Variants in SEC16A observed in about 807,000 individuals in gnomAD.
SEC16A encodes the protein protein transport protein Sec16A.
In SEC16A, 110 loss-of-function variants were observed where a neutral mutation model predicts 221.9. That is an observed-to-expected ratio of 0.50 (90% CI 0.42 to 0.58). The LOEUF is 0.58. SEC16A is among the 20% of genes least tolerant of loss of function. SEC16A has a pLI of 0.00. For missense variants in SEC16A, 3,165 were observed against 3,097.8 expected (o/e 1.02, Z -0.52); for synonymous variants, 1,393 against 1,257.7 (o/e 1.11, Z -2.28).
intron 22 of SEC16A, among the ~76,000 whole-genome samples, chr9:136,453,085 A>C (rs1202012894): frequency 1.1e-5 from 1 of 94,444 alleles, no homozygotes; most frequent in African/African-American, 3.1e-5. Flanking sequence ...AAAAAAAAAG[A>C]AAAAAAAAAG....
At position 136,451,401 on chromosome 9, in the gene SEC16A, G is replaced by T; in HGVS notation, c.6167C>A (p.Ser2056Ter). ...GGCCTCCGAGTCTGGCACCGTCCTC[G>T]AGGGGGTCTGTCGCAAGGAAATGCA... ...FDGKFANLTPSRTVPDSEAPP... is the reference protein window; with the variant it reads ...FDGKFANLTP The change falls in exon 23 of 32, where the codon TCG (serine) becomes TAG (stop). Residue 2056 changes from serine to a stop codon, truncating the protein, a stop_gained. Transcript: ENST00000684901. LOFTEE classifies it high-confidence loss of function. 1 of 1,603,624 alleles carries T rather than the reference G, an allele frequency of 6.2e-7. No individual in the cohort carries two copies.
chr9:136,468,399 G>C lies in SEC16A; in HGVS notation c.3802+16C>G, dbSNP rs755003484. ...GGCACCTGCTAAGGCCAGCTGCTTG[G>C]AGTTCCTTGACATACCTCCATAATC... On this transcript the variant is annotated intron_variant, in intron 5 of 31. Coordinates refer to ENST00000684901, the MANE Select transcript of SEC16A (RefSeq NM_014866.2). The C allele has an allele frequency of 6.4e-7, 1 of 1,563,110 alleles. No individual in the cohort carries two copies. Among genetic ancestry groups the C allele is most frequent in the Admixed American group, 1.7e-5 (1 of 59,554 alleles).
Position 136,475,554 on chromosome 9 carries a change from T to C in SEC16A, c.2062A>G (p.Met688Val), listed in dbSNP as rs1841510796. Residue 688 changes from methionine (M) to valine (V), a missense_variant, in exon 3 of 32, where the codon ATG becomes GTG. By Grantham distance (21) the Met-to-Val change is conservative (BLOSUM62 1). Transcript: ENST00000684901. This position sits in a 1 kb window ranked among gnomAD's most constrained non-coding sequence, Gnocchi z 5.0. Reference sequence around the variant, plus strand: ...GGCGGTGCCCCTGCGTGCGGAAGCATGTGCACAGCTTCCGTGGTGGAGTTA... The same window carrying C: ...GGCGGTGCCCCTGCGTGCGGAAGCACGTGCACAGCTTCCGTGGTGGAGTTA... ...PLNSTTEAVH[M>V]LPHAGAPPLD... 14 of 1,613,324 alleles carry C rather than the reference T, an allele frequency of 8.7e-6. No homozygotes were observed. Among genetic ancestry groups the C allele is most frequent in the African/African-American group, 1.3e-5 (1 of 74,896 alleles).
rs1364872857 is a variant in SEC16A, at chr9:136,475,448, G to A, written c.2168C>T (p.Thr723Met). The change falls in exon 3 of 32, where the codon ACG becomes ATG. Residue 723 changes from threonine (T) to methionine (M), a missense_variant. Coordinates refer to ENST00000684901, the MANE Select transcript of SEC16A (RefSeq NM_014866.2). This position sits in a 1 kb window ranked among gnomAD's most constrained non-coding sequence, Gnocchi z 5.0. Reference sequence around the variant, plus strand: ...CAGCTCACTTTGCGCCCACAGAGTCGTTGCTGGGCTCTCACACTTCACGGG... The same window carrying A: ...CAGCTCACTTTGCGCCCACAGAGTCATTGCTGGGCTCTCACACTTCACGGG... Reference protein sequence around the residue: ...QGPVKCESPATTLWAQSELPD... With the variant: ...QGPVKCESPAMTLWAQSELPD... 8.7e-6 allele frequency: 14 copies of A among 1,609,810 alleles called. No individual in the cohort carries two copies. The highest frequency in any genetic ancestry group is 1.6e-4 in the Middle Eastern group (1 of 6,068).
chr9:136,475,913 G>A lies in SEC16A; in HGVS notation c.1703C>T (p.Ser568Phe), dbSNP rs765220394. The change falls in exon 3 of 32, where the codon TCT becomes TTT. Residue 568 changes from serine (S) to phenylalanine (F), a missense_variant. Ser to Phe is a radical substitution (Grantham distance 155). Transcript: ENST00000684901. The surrounding 1 kb of genome is among the most constrained non-coding windows in gnomAD (Gnocchi z 5.0). Reference sequence around the variant, plus strand: ...GTCTGTTTCACCTCCTACGGGAGAAGAATCGATTTGCTTAAAAAAACTACC... The same window carrying A: ...GTCTGTTTCACCTCCTACGGGAGAAAAATCGATTTGCTTAAAAAAACTACC... ...ASGSFFKQID[S>F]SPVGGETDET... 1 of 1,612,504 alleles carries A rather than the reference G, an allele frequency of 6.2e-7. No homozygotes were observed. The highest frequency in any genetic ancestry group is 8.5e-7 in the Non-Finnish European group (1 of 1,179,278).
At chr9:136,453,545 T>C in intron 21 of SEC16A, 35 bp from the exon 22 acceptor site, 1 of 1,560,884 alleles carries the variant, frequency 6.4e-7, no homozygotes, top group Non-Finnish European at 8.8e-7. Flanking sequence ...ATGATCTCAG[T>C]CACGAGAAGG....
In SEC16A at chr9:136,459,852, C is replaced by T. The variant is rs781568267; in HGVS notation, c.5096G>A (p.Gly1699Glu). Reference protein sequence around the residue: ...ASTCCGDEKWGDWRPHLAMVL... With the variant: ...ASTCCGDEKWEDWRPHLAMVL... ...CATGGCGAGGTGCGGCCTCCAATCT[C>T]CCCATTTCTCGTCTCCACAGCACTA... Residue 1699 changes from glycine to glutamate, a missense_variant, in exon 15 of 32, where the codon GGA becomes GAA. Gly to Glu is a moderately conservative substitution (Grantham distance 98). Coordinates refer to ENST00000684901, the MANE Select transcript of SEC16A (RefSeq NM_014866.2). The surrounding 1 kb of genome is among the most constrained non-coding windows in gnomAD (Gnocchi z 6.1). 1.9e-6 allele frequency: 3 copies of T among 1,613,414 alleles called. No individual in the cohort carries two copies. The Admixed American group carries it at 5.0e-5, about 27-fold the overall frequency.
Position 136,440,391 on chromosome 9 carries a change from C to G in SEC16A, c.*1364G>C, listed in dbSNP as rs1174045094. The stretch of plus-strand genomic sequence containing the variant: ...CATTTTGGAAAACATCCTGGGTGGT[C>G]TGGGCTAAATGATCAAGTGAAACAG... On this transcript the variant is annotated 3_prime_UTR_variant, in exon 32 of 32. Transcript: ENST00000684901. The G allele has an allele frequency of 6.6e-6, 1 of 152,542 alleles. No homozygotes were observed. Among genetic ancestry groups the G allele is most frequent in the Non-Finnish European group, 1.5e-5 (1 of 68,046 alleles). The allele number at this position is 152,542 out of a possible 1,614,324, so 9.4% of individuals were successfully genotyped here.
intron 20 of SEC16A, 84 bp from the exon 21 acceptor site, chr9:136,454,411 T>C: frequency 7.9e-7 from 1 of 1,270,992 alleles, no homozygotes; most frequent in Non-Finnish European, 1.1e-6. Context: ...GACGTGTTTA[T>C]GACAAGTTAT....
rs1004105758 is a variant in SEC16A, at chr9:136,447,607, G to A, written c.6521C>T (p.Pro2174Leu). ...VQAAPPALPG[P>L]PGAPVNMYSR... ...GTACATGTTCACGGGGGCTCCAGGA[G>A]GCCCTGGGAGGGCAGGCGGGGCAGC... is the stretch of plus-strand genomic sequence containing the variant. Residue 2174 changes from proline to leucine, a missense_variant, in exon 26 of 32, where the codon CCT becomes CTT. Coordinates refer to ENST00000684901, the MANE Select transcript of SEC16A (RefSeq NM_014866.2). The surrounding 1 kb of genome is among the most constrained non-coding windows in gnomAD (Gnocchi z 5.5). 3 of 1,613,710 alleles carry A rather than the reference G, an allele frequency of 1.9e-6. No homozygotes were observed. Among genetic ancestry groups the A allele is most frequent in the Non-Finnish European group, 2.5e-6 (3 of 1,179,620 alleles).
At position 136,475,927 on chromosome 9, in the gene SEC16A, A is replaced by G; in HGVS notation, c.1689T>C (p.Phe563=). 1.9e-6 allele frequency: 3 copies of G among 1,613,534 alleles called. No homozygotes were observed. The highest frequency in any genetic ancestry group is 2.5e-6 in the Non-Finnish European group (3 of 1,179,798). The change falls in exon 3 of 32, where the codon TTT becomes TTC. Residue 563 remains phenylalanine, a synonymous_variant. Coordinates refer to ENST00000684901, the MANE Select transcript of SEC16A (RefSeq NM_014866.2). The surrounding 1 kb of genome is among the most constrained non-coding windows in gnomAD (Gnocchi z 5.0). ...CTACGGGAGAAGAATCGATTTGCTTAAAAAAACTACCTGAAGCTTCATCCT... is the reference window on the plus strand; with the variant it reads ...CTACGGGAGAAGAATCGATTTGCTTGAAAAAACTACCTGAAGCTTCATCCT... The part of the protein sequence containing the change: ...KPEDEASGSF[F]KQIDSSPVGG...
chr9:136,460,028 G>A lies in SEC16A; in HGVS notation c.5073+14C>T. 6.3e-7 allele frequency: 1 copy of A among 1,594,680 alleles called. No individual in the cohort carries two copies. Among genetic ancestry groups the A allele is most frequent in the Non-Finnish European group, 8.5e-7 (1 of 1,170,056 alleles). On this transcript the variant is annotated intron_variant, in intron 14 of 31. Transcript: ENST00000684901. ...CAGTGGAGCCTGTGCAAGCCACCAG[G>A]CAGTGCCACTCACCGTGGACGCGGC...
Position 136,443,920 on chromosome 9 carries a change from C to T in SEC16A, c.6928-20G>A, listed in dbSNP as rs1045552044. The T allele has an allele frequency of 1.9e-6, 3 of 1,597,414 alleles. No homozygotes were observed. The highest frequency in any genetic ancestry group is 1.3e-5 in the African/African-American group (1 of 74,412). On this transcript the variant is annotated intron_variant, in intron 30 of 31. Transcript: ENST00000684901. ...AGGAGCCTGAGAAGCACAGAGAAGT[C>T]ACCTCAGCAGGGCTGCGCTGCACAG...
chr9:136,447,014 C>A lies in SEC16A; in HGVS notation c.6698-65G>T. Reference sequence around the variant, plus strand: ...AACGTCCCTGGGGTCTCACTGAAGACACTCCGAGAGGAAGAGAGTTTCACA... The same window carrying A: ...AACGTCCCTGGGGTCTCACTGAAGAAACTCCGAGAGGAAGAGAGTTTCACA... On this transcript the variant is annotated intron_variant, in intron 27 of 31. Transcript: ENST00000684901. The surrounding 1 kb of genome is among the most constrained non-coding windows in gnomAD (Gnocchi z 5.5). 6.2e-7 allele frequency: 1 copy of A among 1,608,724 alleles called. No individual in the cohort carries two copies. The highest frequency in any genetic ancestry group is 8.5e-7 in the Non-Finnish European group (1 of 1,178,086).
chr9:136,456,605 G>T (rs960023134), intron 18 of SEC16A, among the ~76,000 whole-genome samples: 1 of 152,240 alleles, frequency 6.6e-6, no homozygotes, highest in African/African-American at 2.4e-5. Context: ...ACGCATGCAT[G>T]AATGACTCTC....
intron 23 of SEC16A, chr9:136,448,396 G>T: frequency 1.5e-6 from 1 of 683,896 alleles, no homozygotes; most frequent in Non-Finnish European, 2.7e-6. Context: ...GATCCACAGA[G>T]ACACCAGGAG....
At chr9:136,472,281 C>G (rs554881194) in intron 3 of SEC16A, among the ~76,000 whole-genome samples, 170 bp from the exon 4 acceptor site, 15 of 152,368 alleles carry the variant, frequency 9.8e-5, no homozygotes, top group African/African-American at 3.4e-4. Context: ...GGCTGCTCTC[C>G]AGCAGGACTG....
rs181792613 is a variant in SEC16A at position 136,446,750 on chromosome 9, C to T, written c.6792+105G>A. 4.6e-4 allele frequency: 539 copies of T among 1,178,896 alleles called. 2 individuals are homozygous for T. The African/African-American group carries it at 5.5e-3, about 12-fold the overall frequency. The allele number at this position is 1,178,896 out of a possible 1,614,324, so 73.0% of individuals were successfully genotyped here. ...GAGGCGTTTAAGGCGGAACACTCTACGTACACATTGGATACTGACTTGCAG... is the reference window on the plus strand; with the variant it reads ...GAGGCGTTTAAGGCGGAACACTCTATGTACACATTGGATACTGACTTGCAG... On this transcript the variant is annotated intron_variant, in intron 28 of 31. Coordinates refer to ENST00000684901, the MANE Select transcript of SEC16A (RefSeq NM_014866.2).
At position 136,476,018 on chromosome 9, in the gene SEC16A, A is replaced by C. The variant is rs201375263; in HGVS notation, c.1598T>G (p.Leu533Arg). The C allele has an allele frequency of 1.0e-4, 169 of 1,612,852 alleles. No homozygotes were observed. Among genetic ancestry groups the C allele is most frequent in the African/African-American group, 6.7e-4 (50 of 74,686 alleles). ...CTCCTGGGGCCTGGCTGAGCCTGAG[A>C]GCCTTCCGTGGCTTCTGCTGCTATA... is the stretch of plus-strand genomic sequence containing the variant. The part of the protein sequence containing the change: ...SSYSSRSHGR[L>R]SGSARPQELV... Residue 533 changes from leucine (L) to arginine (R), a missense_variant, in exon 3 of 32, where the codon CTC becomes CGC. Leu to Arg is a moderately radical substitution (Grantham distance 102). Around this residue, in one of 3 missense-constraint regions of SEC16A, gnomAD observed 2,030 missense variants for 1,923.1 expected, o/e 1.06. Coordinates refer to ENST00000684901, the MANE Select transcript of SEC16A (RefSeq NM_014866.2).
Sources: gnomAD v4.1 joint callset for allele counts (sites outside exome capture counted in the v4.1 genomes callset) on GRCh38, gnomAD v4.1.1 for gene constraint, gnomAD v4.1.1 regional missense constraint, Gnocchi (gnomAD v3.1) non-coding constraint, MANE v1.5 for transcripts, NCBI Gene and HGNC (gene_info 2026-07-23, HGNC 2026-07-21) for gene names.